KREMEN1: variants seen among roughly 807,000 people sequenced by gnomAD.
KREMEN1 encodes the protein kremen protein 1.
A neutral mutation model predicts 46.5 loss-of-function variants in KREMEN1; 30 were observed. The ratio of observed to expected loss-of-function variants is 0.65; its 90% CI spans 0.48 to 0.88. The LOEUF is 0.88. KREMEN1 is among the 40% of genes least tolerant of loss of function. KREMEN1 has a pLI of 0.00. For synonymous variants in KREMEN1, 214 were observed against 230.6 expected (o/e 0.93, Z 0.65); for missense variants, 533 against 596.9 (o/e 0.89, Z 1.11).
intron 1 of KREMEN1, among the ~76,000 whole-genome samples, chr22:29,091,790 T>G (rs2037810577): frequency 6.6e-6 from 1 of 152,152 alleles, no homozygotes; most frequent in Admixed American, 6.5e-5. Flanking sequence ...GTAAGTGTTG[T>G]GAAGCAAACA....
At chr22:29,112,519 A>G (rs1264351395) in intron 3 of KREMEN1, among the ~76,000 whole-genome samples, 2 of 152,170 alleles carry the variant, frequency 1.3e-5, no homozygotes, top group East Asian at 3.8e-4. Context: ...GTTTCTTATG[A>G]TAGTAAAAGA....
chr22:29,091,710 G>A (rs905961182), intron 1 of KREMEN1, among the ~76,000 whole-genome samples: 1 of 152,084 alleles, frequency 6.6e-6, no homozygotes, highest in African/African-American at 2.4e-5. Flanking sequence ...GGTGTGTCTG[G>A]TGTGGTACAT....
At chr22:29,087,572 T>C (rs1271785799) in intron 1 of KREMEN1, among the ~76,000 whole-genome samples, 1 of 40,300 alleles carries the variant, frequency 2.5e-5, no homozygotes, top group Non-Finnish European at 6.8e-5. Context: ...CATGTCAAGT[T>C]TTTTTTTTTT....
At position 29,121,341 on chromosome 22, in the gene KREMEN1, TTTC is replaced by T. The variant is rs1342374543; in HGVS notation, c.353-13_353-11del. 1 of 1,612,400 alleles carries T rather than the reference TTTC, an allele frequency of 6.2e-7. No homozygotes were observed. Among genetic ancestry groups the T allele is most frequent in the South Asian group, 1.1e-5 (1 of 90,908 alleles). ...CCAGATGTTGCGAAATTCTTTTGTT[TTTC>T]TTTTTTCTTTAGTGCCTGGAAACCT... On this transcript the variant is annotated splice_polypyrimidine_tract_variant and intron_variant, in intron 3 of 8. Transcript: ENST00000400335.
chr22:29,149,715 A>C (rs1371447400), downstream of KREMEN1, among the ~76,000 whole-genome samples: 1 of 152,324 alleles, frequency 6.6e-6, no homozygotes, highest in South Asian at 2.1e-4. Flanking sequence ...TTATGGGACA[A>C]TGAGGCCAGG....
intron 3 of KREMEN1, among the ~76,000 whole-genome samples, chr22:29,103,000 A>G (rs16987079): frequency 0.088 from 13,409 of 152,132 alleles, 816 homozygotes; most frequent in African/African-American, 0.16. Context: ...TTGTACTTCT[A>G]GTGTGTCTGA....
chr22:29,166,135 C>T (rs541544242), intron 9 of KREMEN1, among the ~76,000 whole-genome samples: 8 of 152,192 alleles, frequency 5.3e-5, no homozygotes, highest in East Asian at 1.9e-4. Flanking sequence ...CCCACATGCA[C>T]GCCCACCATA....
chr22:29,131,558 ATATG>A (rs1380594558), intron 5 of KREMEN1, among the ~76,000 whole-genome samples: 93 of 59,642 alleles, frequency 1.6e-3, no homozygotes, highest in African/African-American at 3.8e-3. Context: ...ATATATATAT[ATATG>A]TGTGTGTGTG....
intron 2 of KREMEN1, 41 bp downstream of exon 2, chr22:29,094,461 T>C: frequency 6.5e-7 from 1 of 1,549,684 alleles, no homozygotes; most frequent in Non-Finnish European, 8.8e-7. Context: ...GATAGATATA[T>C]ATCTAGTCTC....
At chr22:29,129,878 G>A (rs1228366574) in intron 5 of KREMEN1, among the ~76,000 whole-genome samples, 1 of 152,202 alleles carries the variant, frequency 6.6e-6, no homozygotes, top group Non-Finnish European at 1.5e-5. Flanking sequence ...GCACAACACT[G>A]ACGGGGGCTT....
intron 5 of KREMEN1, 137 bp downstream of exon 5, chr22:29,125,553 G>A (rs1158876509): frequency 4.6e-6 from 4 of 861,420 alleles, no homozygotes; most frequent in Admixed American, 4.6e-5. Context: ...CTAGACCCTG[G>A]GAATACAGCA....
At chr22:29,088,850 G>A (rs1569313902) in intron 1 of KREMEN1, among the ~76,000 whole-genome samples, 1 of 152,130 alleles carries the variant, frequency 6.6e-6, no homozygotes, top group Non-Finnish European at 1.5e-5. Flanking sequence ...AGGAGGTTAG[G>A]CAAGTGCTTG....
At chr22:29,131,630 G>GCA (rs1556013632) in intron 5 of KREMEN1, among the ~76,000 whole-genome samples, 1 of 124,188 alleles carries the variant, frequency 8.1e-6, no homozygotes, top group Admixed American at 8.5e-5. Flanking sequence ...ATGTATATAT[G>GCA]TATATATATG....
At position 29,143,609 on chromosome 22, in the gene KREMEN1, G is replaced by A; in HGVS notation, c.*1497G>A. The A allele has an allele frequency of 1.6e-6, 1 of 627,112 alleles. No individual in the cohort carries two copies. 38.8% of individuals were successfully genotyped at this position (627,112 alleles called of 1,614,324 possible). On this transcript the variant is annotated 3_prime_UTR_variant, in exon 9 of 9. Transcript: ENST00000400335. ...TACAAAAAATTAGCTGGGTGTGGTG[G>A]TGGGCGCCTGTAGTCCCAGCTGCTC...
intron 1 of KREMEN1, among the ~76,000 whole-genome samples, chr22:29,083,422 G>A (rs528988882): frequency 1.6e-4 from 24 of 152,298 alleles, no homozygotes; most frequent in Admixed American, 1.4e-3. Flanking sequence ...AATGCTGATA[G>A]GTTAATGGAC....
At chr22:29,124,790 G>A (rs910469519) in intron 4 of KREMEN1, among the ~76,000 whole-genome samples, 1 of 152,140 alleles carries the variant, frequency 6.6e-6, no homozygotes, top group Non-Finnish European at 1.5e-5. Context: ...ACCATGCCCG[G>A]CTGTGGTTAC....
chr22:29,161,502 A>G (rs893127023), intron 9 of KREMEN1, among the ~76,000 whole-genome samples: 12 of 54,762 alleles, frequency 2.2e-4, no homozygotes, highest in East Asian at 7.5e-4. Context: ...GTGAGACTCC[A>G]TCTCAAAAAA....
chr22:29,087,129 AC>A (rs2037742753), intron 1 of KREMEN1, among the ~76,000 whole-genome samples: 1 of 152,098 alleles, frequency 6.6e-6, no homozygotes, highest in Admixed American at 6.6e-5. Flanking sequence ...AGTTTCATAG[AC>A]TTTTTTAAAG....
chr22:29,148,744 C>T (rs950812148), downstream of KREMEN1, among the ~76,000 whole-genome samples: 7 of 152,216 alleles, frequency 4.6e-5, 1 homozygote, highest in South Asian at 8.3e-4. Flanking sequence ...TGTGAGCCAC[C>T]GCGCCTGGTG....
Sources: gnomAD v4.1 joint callset for allele counts (sites outside exome capture counted in the v4.1 genomes callset) on GRCh38, gnomAD v4.1.1 for gene constraint, MANE v1.5 for transcripts, NCBI Gene and HGNC (gene_info 2026-07-23, HGNC 2026-07-21) for gene names.